SPOCK3: variants seen among roughly 807,000 people sequenced by gnomAD.
SPOCK3 encodes testican-3.
SPOCK3 carries 30 observed loss-of-function variants against 56.6 expected under a neutral mutation model. The ratio of observed to expected loss-of-function variants is 0.53; its 90% CI spans 0.40 to 0.72. The LOEUF is 0.72. Ranked by LOEUF, SPOCK3 falls within the 30% of genes least tolerant of loss-of-function variation. The pLI is 0.00. For missense variants in SPOCK3, 527 were observed against 530.0 expected (o/e 0.99, Z 0.06); for synonymous variants, 196 against 183.3 (o/e 1.07, Z -0.56).
At chr4:167,231,943 G>T (rs183678890) in intron 2 of SPOCK3, among the ~76,000 whole-genome samples, 103 of 152,068 alleles carry the variant, frequency 6.8e-4, no homozygotes, top group African/African-American at 2.4e-3. Flanking sequence ...TTATTTTTAG[G>T]TGTTGCATAT....
In SPOCK3 at chr4:166,862,831, T is replaced by C. The variant is rs1041732305; in HGVS notation, c.589+26299A>G. Among the ~76,000 whole-genome samples the C allele has an allele frequency of 6.6e-5, 10 of 152,248 alleles. No homozygotes were observed. The East Asian group carries it at 1.5e-3, about 24-fold the overall frequency. The stretch of plus-strand genomic sequence containing the variant: ...TTACTCATTGGTTTTATTTGTATTA[T>C]CATTTACAATTTGTGGTCACAAATA... On this transcript the variant is annotated intron_variant, in intron 6 of 10. Transcript: ENST00000357545.
chr4:166,862,993 G>A (rs982244526), intron 6 of SPOCK3, among the ~76,000 whole-genome samples: 3 of 152,186 alleles, frequency 2.0e-5, no homozygotes, highest in African/African-American at 4.8e-5. Flanking sequence ...AGGAAAAAAT[G>A]TTAAGGGCAG....
intron 2 of SPOCK3, among the ~76,000 whole-genome samples, chr4:167,204,290 T>A (rs1412413731): frequency 6.6e-6 from 1 of 151,960 alleles, no homozygotes; most frequent in Non-Finnish European, 1.5e-5. Context: ...AAAACTTGTA[T>A]CCTCCTGTAT....
intron 4 of SPOCK3, among the ~76,000 whole-genome samples, chr4:166,959,226 T>C (rs912225010): frequency 6.6e-6 from 1 of 152,118 alleles, no homozygotes; most frequent in African/African-American, 2.4e-5. Context: ...TCAAGAAAGA[T>C]GTAAGTTAGA....
chr4:166,911,524 A>G (rs1263752779), intron 5 of SPOCK3, among the ~76,000 whole-genome samples: 1 of 151,954 alleles, frequency 6.6e-6, no homozygotes, highest in Non-Finnish European at 1.5e-5. Context: ...AAAATGTATT[A>G]ATATGTTTTT....
At chr4:167,079,803 T>C (rs1757550691) in intron 2 of SPOCK3, among the ~76,000 whole-genome samples, 1 of 152,012 alleles carries the variant, frequency 6.6e-6, no homozygotes, top group Non-Finnish European at 1.5e-5. Flanking sequence ...TGAGCAGTGC[T>C]GAGCTACTTC....
At chr4:166,749,969 G>A (rs1430182813) in intron 8 of SPOCK3, among the ~76,000 whole-genome samples, 1 of 152,052 alleles carries the variant, frequency 6.6e-6, no homozygotes, top group African/African-American at 2.4e-5. Flanking sequence ...GATTTCTAAT[G>A]TCTACTTGAA....
At chr4:167,026,993 A>T (rs1487172548) in intron 3 of SPOCK3, among the ~76,000 whole-genome samples, 3 of 151,888 alleles carry the variant, frequency 2.0e-5, no homozygotes, top group Admixed American at 2.0e-4. Flanking sequence ...TTTCTCCCTG[A>T]ACTGTAATCA....
intron 5 of SPOCK3, among the ~76,000 whole-genome samples, chr4:166,911,487 T>G (rs914486286): frequency 6.6e-6 from 1 of 152,162 alleles, no homozygotes; most frequent in Admixed American, 6.6e-5. Context: ...GTATACTCTT[T>G]AATAAGAATA....
chr4:166,878,465 T>A (rs1001643778), intron 6 of SPOCK3, among the ~76,000 whole-genome samples: 1 of 151,782 alleles, frequency 6.6e-6, no homozygotes, highest in South Asian at 2.1e-4. Context: ...ATTTTTAAAA[T>A]TTTTAAAATG....
chr4:166,950,609 C>T (rs945672498), intron 4 of SPOCK3, among the ~76,000 whole-genome samples: 32 of 151,044 alleles, frequency 2.1e-4, no homozygotes, highest in African/African-American at 7.6e-4. Context: ...AAGAACTCTC[C>T]ACCCCAAATC....
intron 8 of SPOCK3, 193 bp downstream of exon 8, chr4:166,754,306 TTTCATCTTA>T: frequency 1.5e-6 from 2 of 1,297,106 alleles, no homozygotes; most frequent in Non-Finnish European, 2.0e-6. Flanking sequence ...AATTACTATT[TTTCATCTTA>T]TTTAGCATGT....
intron 6 of SPOCK3, among the ~76,000 whole-genome samples, chr4:166,882,010 G>A (rs1358429837): frequency 2.0e-5 from 3 of 152,184 alleles, no homozygotes; most frequent in Non-Finnish European, 4.4e-5. Flanking sequence ...TACGTACTGG[G>A]TGGAAAGGGG....
At chr4:167,109,418 TAA>T (rs1367795076) in intron 2 of SPOCK3, among the ~76,000 whole-genome samples, 4 of 85,422 alleles carry the variant, frequency 4.7e-5, no homozygotes, top group East Asian at 3.1e-4. Flanking sequence ...AATATATATA[TAA>T]ATATATATAT....
intron 4 of SPOCK3, among the ~76,000 whole-genome samples, chr4:166,997,283 C>T (rs1172117513): frequency 6.6e-6 from 1 of 151,756 alleles, no homozygotes; most frequent in African/African-American, 2.4e-5. Context: ...TATAACAAAC[C>T]TGCACATTCT....
intron 6 of SPOCK3, among the ~76,000 whole-genome samples, chr4:166,817,598 C>T (rs1343889666): frequency 6.6e-6 from 1 of 151,964 alleles, no homozygotes; most frequent in East Asian, 1.9e-4. Context: ...GCTGCGTGTC[C>T]CCTGGTCAAC....
chr4:167,035,003 C>T (rs1268349217), intron 3 of SPOCK3, among the ~76,000 whole-genome samples: 1 of 152,060 alleles, frequency 6.6e-6, no homozygotes, highest in East Asian at 1.9e-4. Flanking sequence ...ATAAAACATA[C>T]ATCTTTATAA....
intron 6 of SPOCK3, among the ~76,000 whole-genome samples, chr4:166,843,668 A>G (rs1189241493): frequency 1.3e-5 from 2 of 152,158 alleles, no homozygotes; most frequent in African/African-American, 4.8e-5. Flanking sequence ...CCTTGTGAGT[A>G]CTCAAGCAAA....
At chr4:167,066,241 T>A (rs995352017) in intron 2 of SPOCK3, among the ~76,000 whole-genome samples, 10 of 151,900 alleles carry the variant, frequency 6.6e-5, no homozygotes, top group Non-Finnish European at 1.5e-4. Context: ...CTTGGCATTA[T>A]TGATATTTTG....
Sources: gnomAD v4.1 joint callset for allele counts (sites outside exome capture counted in the v4.1 genomes callset) on GRCh38, gnomAD v4.1.1 for gene constraint, MANE v1.5 for transcripts, NCBI Gene and HGNC (gene_info 2026-07-23, HGNC 2026-07-21) for gene names.